RNF10: variants seen among roughly 807,000 people sequenced by gnomAD.
RNF10 encodes ring finger protein 10.
In RNF10, 38 loss-of-function variants were observed where a neutral mutation model predicts 91.4. The observed-to-expected ratio is 0.42, with a 90% confidence interval of 0.32 to 0.54. RNF10 has a LOEUF of 0.54. Ranked by LOEUF, RNF10 falls within the 20% of genes least tolerant of loss-of-function variation. The pLI, the probability that RNF10 is intolerant of heterozygous loss-of-function variation, is 0.16. For synonymous variants in RNF10, 364 were observed against 366.3 expected (o/e 0.99, Z 0.07); for missense variants, 945 against 1,012.0 (o/e 0.93, Z 0.90).
intron 1 of RNF10, among the ~76,000 whole-genome samples, chr12:120,541,324 A>G (rs956755983): frequency 1.3e-4 from 20 of 152,180 alleles, no homozygotes; most frequent in Non-Finnish European, 2.9e-5. Flanking sequence ...TTTTCTTTAT[A>G]TACCTATCCT....
intron 7 of RNF10, among the ~76,000 whole-genome samples, chr12:120,561,923 A>G (rs1831178619): frequency 6.6e-6 from 1 of 152,172 alleles, no homozygotes; most frequent in Non-Finnish European, 1.5e-5. Context: ...CATAGTTTGT[A>G]AAAACTAGGT....
chr12:120,576,597 A>G lies in RNF10; in HGVS notation c.2367A>G (p.Lys789=). The stretch of plus-strand genomic sequence containing the variant: ...TTCTGTGTCTCCCTTTAGAAGAGAA[A>G]GGAGGAAAGAAAAGAAAAAAACAGA... The part of the protein sequence containing the change: ...PATSDPLSEE[K]GGKKRKKQKQ... Residue 789 remains lysine, a synonymous_variant, in exon 17 of 17, where the codon AAA becomes AAG. Coordinates refer to ENST00000325954, the MANE Select transcript of RNF10 (RefSeq NM_014868.5). 10 of 1,613,898 alleles carry G rather than the reference A, an allele frequency of 6.2e-6. No homozygotes were observed. The highest frequency in any genetic ancestry group is 7.6e-6 in the Non-Finnish European group (9 of 1,179,858).
At chr12:120,561,099 A>G (rs1419197934) in intron 7 of RNF10, among the ~76,000 whole-genome samples, 1 of 152,210 alleles carries the variant, frequency 6.6e-6, no homozygotes, top group Non-Finnish European at 1.5e-5. Context: ...GAGAAGGTTT[A>G]ACCTAGGGCT....
rs1555227489 is a variant in RNF10, at chr12:120,558,578, T to TATA, written c.967+896_967+897insATA. Among the ~76,000 whole-genome samples the TATA allele has an allele frequency of 1.1e-3, 157 of 138,206 alleles. 4 individuals are homozygous for TATA. In the East Asian group the frequency reaches 0.031, roughly 28 times the overall value. 90.7% of individuals were successfully genotyped at this position (138,206 alleles called of 152,430 possible). ...ATATAATATAATATGTATATATATATTTTTTTTTGAGACAGAGTCTGGCTC... is the reference window on the plus strand; with the variant it reads ...ATATAATATAATATGTATATATATATATATTTTTTTTGAGACAGAGTCTGGCTC... On this transcript the variant is annotated intron_variant, in intron 6 of 16. Transcript: ENST00000325954.
chr12:120,548,113 T>A (rs1210786584), intron 2 of RNF10, among the ~76,000 whole-genome samples: 1 of 152,126 alleles, frequency 6.6e-6, no homozygotes, highest in African/African-American at 2.4e-5. Context: ...GAGCACAAAG[T>A]TTTTTTGGGA....
chr12:120,547,335 G>A (rs1872487044), intron 2 of RNF10, among the ~76,000 whole-genome samples: 1 of 152,182 alleles, frequency 6.6e-6, no homozygotes, highest in Admixed American at 6.5e-5. Flanking sequence ...AGATGGTCTT[G>A]CTCTGTAGTA....
At chr12:120,573,365 CT>C (rs544347950) in intron 14 of RNF10, among the ~76,000 whole-genome samples, 60 of 151,678 alleles carry the variant, frequency 4.0e-4, no homozygotes, top group Non-Finnish European at 7.7e-4. Flanking sequence ...TTTTTTTTCC[CT>C]TCCATGGCCA....
At chr12:120,545,727 T>C (rs935036166) in intron 1 of RNF10, among the ~76,000 whole-genome samples, 2 of 151,994 alleles carry the variant, frequency 1.3e-5, no homozygotes, top group Admixed American at 6.6e-5. Context: ...TTAATAGACA[T>C]GGGGTTTCAC....
In RNF10 at chr12:120,534,726, ACCCCCGCCGG is replaced by A; in HGVS notation, c.-82_-73del. The A allele has an allele frequency of 3.6e-6, 5 of 1,407,382 alleles. No individual in the cohort carries two copies. The highest frequency in any genetic ancestry group is 4.6e-6 in the Non-Finnish European group (5 of 1,092,884). 87.2% of individuals were successfully genotyped at this position (1,407,382 alleles called of 1,614,324 possible). On this transcript the variant is annotated 5_prime_UTR_variant, in exon 1 of 17. It introduces an in-frame stop codon into an upstream open reading frame of the 5' UTR. Coordinates refer to ENST00000325954, the MANE Select transcript of RNF10 (RefSeq NM_014868.5). ...AGGCCGAGAACCGCTGCCGCCGCCG[ACCCCCGCCGG>A]CCCTGAACGCCATGAGCCTGGGTCC...
chr12:120,565,215 C>G, intron 11 of RNF10, 26 bp downstream of exon 11: 1 of 1,476,552 alleles, frequency 6.8e-7, no homozygotes, highest in Non-Finnish European at 9.5e-7. Flanking sequence ...CTCTGCTTCT[C>G]TTTATAGTAG....
chr12:120,536,099 A>G (rs1461928192), intron 1 of RNF10, among the ~76,000 whole-genome samples: 2 of 152,186 alleles, frequency 1.3e-5, no homozygotes, highest in Non-Finnish European at 2.9e-5. Flanking sequence ...GTGGAGGTCC[A>G]GTTTAAAACT....
intron 1 of RNF10, among the ~76,000 whole-genome samples, chr12:120,540,130 C>CTTTT (rs5801387): frequency 7.0e-6 from 1 of 143,324 alleles, no homozygotes. Flanking sequence ...AATTTATTAT[C>CTTTT]TTTTTTTTTT....
rs1327493457 is a variant in RNF10 at position 120,534,864 on chromosome 12, A to G, written c.53A>G (p.Asn18Ser). The G allele has an allele frequency of 6.2e-7, 1 of 1,608,430 alleles. No individual in the cohort carries two copies. Among genetic ancestry groups the G allele is most frequent in the Admixed American group, 1.7e-5 (1 of 59,952 alleles). Residue 18 changes from asparagine (N) to serine (S), a missense_variant, in exon 1 of 17, where the codon AAC (asparagine) becomes AGC (serine). Physicochemically the swap from Asn to Ser is conservative, Grantham distance 46. Coordinates refer to ENST00000325954, the MANE Select transcript of RNF10 (RefSeq NM_014868.5). ...AAATASDMDK[N>S]SGSNSSSASS... ...GCCACCGCCTCCGACATGGACAAGA[A>G]CAGCGGCTCCAACAGCTCCTCCGCC...
chr12:120,537,377 A>G (rs1368620121), intron 1 of RNF10, among the ~76,000 whole-genome samples: 1 of 152,192 alleles, frequency 6.6e-6, no homozygotes, highest in African/African-American at 2.4e-5. Context: ...CTGTAATCCC[A>G]GCACTTTGGG....
intron 12 of RNF10, among the ~76,000 whole-genome samples, 161 bp from the exon 13 acceptor site, chr12:120,566,664 A>G (rs1875751156): frequency 6.6e-6 from 1 of 151,088 alleles, no homozygotes. Flanking sequence ...CGGGAGGCTG[A>G]GGTGGGAGGA....
At chr12:120,545,581 A>G (rs1256301283) in intron 1 of RNF10, among the ~76,000 whole-genome samples, 2 of 151,702 alleles carry the variant, frequency 1.3e-5, no homozygotes, top group Non-Finnish European at 2.9e-5. Flanking sequence ...CTCTTTGCCC[A>G]GGCTAGAGTG....
intron 13 of RNF10, among the ~76,000 whole-genome samples, chr12:120,570,005 G>T (rs1876385088): frequency 6.6e-6 from 1 of 151,988 alleles, no homozygotes; most frequent in African/African-American, 2.4e-5. Context: ...CGATTCTCCT[G>T]CCCCAGCCTC....
In RNF10 at chr12:120,576,893, T is replaced by G; in HGVS notation, c.*227T>G. 48 of 477,950 alleles carry G rather than the reference T, an allele frequency of 1.0e-4. No homozygotes were observed. The highest frequency in any genetic ancestry group is 1.8e-4 in the East Asian group (4 of 22,062). 29.6% of individuals were successfully genotyped at this position (477,950 alleles called of 1,614,324 possible). ...ATAAAGTATTGACACAAGAGATCTC[T>G]TCCTGCCAAGGTTTTTAGTTCATTG... On this transcript the variant is annotated 3_prime_UTR_variant, in exon 17 of 17. Transcript: ENST00000325954.
Position 120,565,167 on chromosome 12 carries a change from G to A in RNF10, c.1761G>A (p.Lys587=). Residue 587 remains lysine (K), a synonymous_variant, in exon 11 of 17, where the codon AAG becomes AAA. Transcript: ENST00000325954. ...ELALQPPVVS[K]ETLEMFSDDI... is the part of the protein sequence containing the mutation. ...CTTTGCAACCTCCTGTGGTCTCTAA[G>A]GAAACCCTAGAGATGTTCTCAGGTG... 2.5e-6 allele frequency: 4 copies of A among 1,611,440 alleles called. No homozygotes were observed. Among genetic ancestry groups the A allele is most frequent in the African/African-American group, 1.3e-5 (1 of 74,988 alleles).
Sources: allele counts gnomAD v4.1 joint callset (sites outside exome capture counted in the v4.1 genomes callset), GRCh38; gene constraint gnomAD v4.1.1; transcripts MANE v1.5; gene names NCBI Gene and HGNC (gene_info 2026-07-23, HGNC 2026-07-21).